Variants in RNFT2 observed in about 807,000 individuals in gnomAD.
RNFT2 encodes E3 ubiquitin-protein ligase RNFT2.
In RNFT2, 36 loss-of-function variants were observed where a neutral mutation model predicts 53.0. The ratio of observed to expected loss-of-function variants is 0.68; its 90% CI spans 0.52 to 0.90. RNFT2 has a LOEUF of 0.90. Among genes scored for constraint, RNFT2 ranks in the 40% least tolerant of loss-of-function variants. The pLI, the probability that RNFT2 is intolerant of heterozygous loss-of-function variation, is 0.00. For synonymous variants in RNFT2, 260 were observed against 253.2 expected, an observed-to-expected ratio of 1.03 and a Z score of -0.26; for missense variants, 514 against 585.6, an observed-to-expected ratio of 0.88 and a Z score of 1.26.
intron 10 of RNFT2, among the ~76,000 whole-genome samples, chr12:116,841,577 G>A (rs1356554273): frequency 6.7e-6 from 1 of 149,766 alleles, no homozygotes; most frequent in African/African-American, 2.5e-5. Context: ...GTGAAGCCCG[G>A]TCTCTACTAA....
chr12:116,747,203 CG>C (rs1023961997), intron 3 of RNFT2, among the ~76,000 whole-genome samples: 2 of 152,042 alleles, frequency 1.3e-5, no homozygotes, highest in African/African-American at 4.8e-5. Flanking sequence ...ACTACAGGTG[CG>C]TGCCACCATG....
At chr12:116,774,222 G>A (rs1044393252) in intron 6 of RNFT2, among the ~76,000 whole-genome samples, 3 of 152,192 alleles carry the variant, frequency 2.0e-5, no homozygotes, top group Non-Finnish European at 4.4e-5. Flanking sequence ...TTGGATAGTG[G>A]TGATGATTAT....
At chr12:116,841,882 A>AAAAT (rs1565876166) in intron 10 of RNFT2, among the ~76,000 whole-genome samples, 1 of 23,480 alleles carries the variant, frequency 4.3e-5, no homozygotes, top group African/African-American at 1.6e-4. Flanking sequence ...TATATATATA[A>AAAAT]ATATATATAA....
intron 7 of RNFT2, chr12:116,782,024 A>AGC (rs1873727062): frequency 7.1e-6 from 1 of 139,984 alleles, no homozygotes; most frequent in Non-Finnish European, 1.5e-5. Context: ...GGTTGCAGTG[A>AGC]GCCAAGATCG....
chr12:116,762,052 G>A (rs1429205318), intron 5 of RNFT2, among the ~76,000 whole-genome samples: 1 of 139,352 alleles, frequency 7.2e-6, no homozygotes, highest in Admixed American at 7.7e-5. Context: ...GGGTGACAGA[G>A]TGAGACTGTC....
chr12:116,820,302 G>A (rs1437691015), intron 7 of RNFT2, among the ~76,000 whole-genome samples: 5 of 152,072 alleles, frequency 3.3e-5, no homozygotes, highest in Non-Finnish European at 5.9e-5. Context: ...GTCTGGTCTC[G>A]AATTCCTGGT....
chr12:116,841,575 C>T (rs531905958), intron 10 of RNFT2, among the ~76,000 whole-genome samples: 55 of 149,866 alleles, frequency 3.7e-4, no homozygotes, highest in South Asian at 6.3e-4. Context: ...TGGTGAAGCC[C>T]GGTCTCTACT....
intron 7 of RNFT2, among the ~76,000 whole-genome samples, chr12:116,779,935 G>T (rs574690560): frequency 7.2e-5 from 11 of 151,794 alleles, no homozygotes; most frequent in Non-Finnish European, 1.5e-4. Flanking sequence ...CTCAGACAAG[G>T]TATCACCTGT....
chr12:116,749,023 A>G (rs1474628576), intron 3 of RNFT2, among the ~76,000 whole-genome samples: 1 of 152,222 alleles, frequency 6.6e-6, no homozygotes, highest in Non-Finnish European at 1.5e-5. Flanking sequence ...AGTAGGTTTC[A>G]ATAAAGGTTA....
At chr12:116,835,040 G>A (rs1016437843) in intron 8 of RNFT2, among the ~76,000 whole-genome samples, 1 of 151,938 alleles carries the variant, frequency 6.6e-6, no homozygotes, top group East Asian at 1.9e-4. Flanking sequence ...AGTAGAGATG[G>A]TGTTTTACCA....
chr12:116,752,519 A>G (rs570169660), intron 4 of RNFT2, among the ~76,000 whole-genome samples: 1 of 152,304 alleles, frequency 6.6e-6, no homozygotes, highest in Non-Finnish European at 1.5e-5. Flanking sequence ...ATGTGCTTAT[A>G]GTGAAGAAAT....
At chr12:116,836,315 C>A in intron 10 of RNFT2, 33 bp downstream of exon 10, 1 of 1,528,056 alleles carries the variant, frequency 6.5e-7, no homozygotes. Flanking sequence ...CATTGGAGAC[C>A]AAGGCTGGGG....
intron 7 of RNFT2, among the ~76,000 whole-genome samples, chr12:116,819,927 A>G (rs79317584): frequency 0.046 from 7,056 of 152,298 alleles, 355 homozygotes; most frequent in East Asian, 0.14. Flanking sequence ...CTAGAAAGGA[A>G]CAGGTGACTT....
chr12:116,749,723 T>C, intron 3 of RNFT2, 118 bp from the exon 4 acceptor site: 2 of 887,736 alleles, frequency 2.3e-6, no homozygotes, highest in South Asian at 3.4e-5. Context: ...CATGTGAATT[T>C]GAGGGGGACA....
intron 3 of RNFT2, among the ~76,000 whole-genome samples, chr12:116,746,930 G>A (rs929720678): frequency 2.0e-5 from 3 of 152,188 alleles, no homozygotes; most frequent in African/African-American, 7.2e-5. Flanking sequence ...ATATGCAGCT[G>A]CTGAAGTCCC....
Position 116,852,493 on chromosome 12 carries a change from C to T in RNFT2, c.*3045C>T, listed in dbSNP as rs1877976847. 5.3e-6 allele frequency: 8 copies of T among 1,496,178 alleles called. No homozygotes were observed. In the Admixed American group the frequency reaches 1.6e-4, roughly 30 times the overall value. The allele number at this position is 1,496,178 out of a possible 1,614,324, so 92.7% of individuals were successfully genotyped here. ...ATGGCGATGGCCATGATGTTACAAT[C>T]CCACTTGCCTGAATAATCAAGTGGG... On this transcript the variant is annotated 3_prime_UTR_variant, in exon 11 of 11. Transcript: ENST00000257575.
At chr12:116,846,550 A>G (rs1877626024) in intron 10 of RNFT2, among the ~76,000 whole-genome samples, 2 of 150,834 alleles carry the variant, frequency 1.3e-5, no homozygotes. Context: ...TTCGCCTCCC[A>G]AAGTGCTGGG....
At chr12:116,754,247 C>T (rs1369418466) in intron 5 of RNFT2, among the ~76,000 whole-genome samples, 187 bp downstream of exon 5, 1 of 152,174 alleles carries the variant, frequency 6.6e-6, no homozygotes, top group African/African-American at 2.4e-5. Context: ...AGTTACATCA[C>T]TTAGAATAAT....
intron 10 of RNFT2, among the ~76,000 whole-genome samples, chr12:116,840,103 G>A (rs1167896053): frequency 6.6e-6 from 1 of 152,224 alleles, no homozygotes; most frequent in African/African-American, 2.4e-5. Context: ...AAAGAGAAGA[G>A]TAAGAGTGCA....
Sources: gnomAD v4.1 joint callset for allele counts (sites outside exome capture counted in the v4.1 genomes callset) on GRCh38, gnomAD v4.1.1 for gene constraint, MANE v1.5 for transcripts, NCBI Gene and HGNC (gene_info 2026-07-23, HGNC 2026-07-21) for gene names.